ANKS1B: variants seen among roughly 807,000 people sequenced by gnomAD.
ANKS1B encodes ankyrin repeat and sterile alpha motif domain-containing protein 1B.
In ANKS1B, 36 loss-of-function variants were observed where a neutral mutation model predicts 148.3. The observed-to-expected ratio is 0.24, with a 90% CI of 0.19 to 0.32. ANKS1B has a LOEUF of 0.32. Among genes scored for constraint, ANKS1B ranks in the 10% least tolerant of loss-of-function variants. The pLI, the probability that ANKS1B is intolerant of heterozygous loss-of-function variation, is 1.00. For synonymous variants in ANKS1B, 542 were observed against 560.8 expected, an observed-to-expected ratio of 0.97 and a Z score of 0.47; for missense variants, 1,157 against 1,542.6, an observed-to-expected ratio of 0.75 and a Z score of 4.19.
At chr12:99,396,673 C>A (rs1169304888) in intron 12 of ANKS1B, among the ~76,000 whole-genome samples, 1 of 152,152 alleles carries the variant, frequency 6.6e-6, no homozygotes, top group African/African-American at 2.4e-5. Flanking sequence ...TCCTCTGCTT[C>A]TGGTGGTCAG....
chr12:99,006,604 T>C (rs2099936282), intron 17 of ANKS1B, among the ~76,000 whole-genome samples: 1 of 152,332 alleles, frequency 6.6e-6, no homozygotes, highest in Non-Finnish European at 1.5e-5. Flanking sequence ...CCTTTCCCTC[T>C]TGTTGCAAAT....
intron 14 of ANKS1B, among the ~76,000 whole-genome samples, chr12:99,188,031 C>G (rs2080108701): frequency 6.6e-6 from 1 of 151,726 alleles, no homozygotes; most frequent in Non-Finnish European, 1.5e-5. Context: ...AAAAAAAAAG[C>G]AGGGGTTGCA....
chr12:98,935,522 G>C (rs1401249008), intron 17 of ANKS1B, among the ~76,000 whole-genome samples: 1 of 152,164 alleles, frequency 6.6e-6, no homozygotes, highest in Non-Finnish European at 1.5e-5. Flanking sequence ...CCCTCTTCAA[G>C]TTTTTGGAAG....
At chr12:99,705,447 C>A (rs913195186) in intron 8 of ANKS1B, among the ~76,000 whole-genome samples, 1 of 152,122 alleles carries the variant, frequency 6.6e-6, no homozygotes, top group African/African-American at 2.4e-5. Context: ...TCTAAAGATG[C>A]TGTTGTCAAG....
chr12:98,936,996 T>C (rs1243433864), intron 17 of ANKS1B, among the ~76,000 whole-genome samples: 1 of 152,174 alleles, frequency 6.6e-6, no homozygotes, highest in Non-Finnish European at 1.5e-5. Context: ...TGAGTTACTC[T>C]GTATCTTTAG....
At chr12:99,613,453 A>G (rs994175271) in intron 9 of ANKS1B, among the ~76,000 whole-genome samples, 1 of 152,106 alleles carries the variant, frequency 6.6e-6, no homozygotes, top group African/African-American at 2.4e-5. Context: ...AATCAACCCA[A>G]ATGCCCATCA....
chr12:98,768,614 G>A (rs1243608062), intron 25 of ANKS1B, among the ~76,000 whole-genome samples: 2 of 151,370 alleles, frequency 1.3e-5, no homozygotes, highest in East Asian at 3.9e-4. Context: ...GGTGCCTGTA[G>A]TCCCAGCTGC....
At chr12:99,127,979 A>G (rs897315686) in intron 15 of ANKS1B, among the ~76,000 whole-genome samples, 1 of 152,238 alleles carries the variant, frequency 6.6e-6, no homozygotes, top group Non-Finnish European at 1.5e-5. Flanking sequence ...AAAAACGAAC[A>G]TCACCTACAC....
intron 9 of ANKS1B, among the ~76,000 whole-genome samples, chr12:99,566,218 T>C (rs940923382): frequency 2.0e-5 from 3 of 152,180 alleles, no homozygotes; most frequent in Admixed American, 6.5e-5. Context: ...CTTCAACTTA[T>C]CTCTCTTTTG....
intron 12 of ANKS1B, among the ~76,000 whole-genome samples, chr12:99,258,907 G>C (rs768470242): frequency 6.6e-6 from 1 of 152,142 alleles, no homozygotes; most frequent in Non-Finnish European, 1.5e-5. Flanking sequence ...CAAAGACCAA[G>C]ATTCCATACT....
chr12:99,302,609 T>C (rs1489560220), intron 12 of ANKS1B, among the ~76,000 whole-genome samples: 1 of 152,178 alleles, frequency 6.6e-6, no homozygotes, highest in Non-Finnish European at 1.5e-5. Context: ...TGAATTATTA[T>C]AGTGGCTTGA....
intron 1 of ANKS1B, among the ~76,000 whole-genome samples, chr12:99,921,375 T>C (rs1021272657): frequency 6.6e-6 from 1 of 152,144 alleles, no homozygotes; most frequent in Non-Finnish European, 1.5e-5. Flanking sequence ...TCTTGAGGCC[T>C]CTCCAGCCAT....
At chr12:98,876,763 T>A (rs966302140) in intron 17 of ANKS1B, among the ~76,000 whole-genome samples, 2 of 152,170 alleles carry the variant, frequency 1.3e-5, no homozygotes, top group Non-Finnish European at 2.9e-5. Flanking sequence ...ATACCAAACT[T>A]TTTAGTTACA....
chr12:99,052,240 C>CT (rs1208104250), intron 17 of ANKS1B, among the ~76,000 whole-genome samples: 1 of 152,224 alleles, frequency 6.6e-6, no homozygotes, highest in Non-Finnish European at 1.5e-5. Context: ...CAGTTGATCT[C>CT]TTTGGGCTTG....
chr12:98,779,413 C>A (rs1486276531), intron 24 of ANKS1B, among the ~76,000 whole-genome samples: 1 of 152,146 alleles, frequency 6.6e-6, no homozygotes. Context: ...CCCCCAAAAT[C>A]ATGAAATGAT....
chr12:99,156,012 C>T (rs1321415436), intron 14 of ANKS1B, among the ~76,000 whole-genome samples: 2 of 152,146 alleles, frequency 1.3e-5, no homozygotes, highest in Non-Finnish European at 2.9e-5. Flanking sequence ...CCAGAGCAGC[C>T]GCCTGGCACA....
intron 11 of ANKS1B, among the ~76,000 whole-genome samples, chr12:99,440,779 T>C (rs1236784946): frequency 3.3e-5 from 5 of 151,870 alleles, no homozygotes; most frequent in Non-Finnish European, 7.4e-5. Context: ...TTCGTTACAA[T>C]GGATGCTCTC....
intron 24 of ANKS1B, among the ~76,000 whole-genome samples, chr12:98,776,512 C>T (rs76951226): frequency 0.017 from 2,582 of 152,256 alleles, 64 homozygotes; most frequent in African/African-American, 0.058. Context: ...GATGGTTTTG[C>T]CTGTCTGTTG....
intron 1 of ANKS1B, among the ~76,000 whole-genome samples, chr12:99,903,191 T>C (rs756858497): frequency 3.3e-5 from 5 of 152,232 alleles, no homozygotes; most frequent in Non-Finnish European, 5.9e-5. Flanking sequence ...TCTACCCATG[T>C]GGTTTTGGTA....
Sources: allele counts gnomAD v4.1 joint callset (sites outside exome capture counted in the v4.1 genomes callset), GRCh38; gene constraint gnomAD v4.1.1; transcripts MANE v1.5; gene names NCBI Gene and HGNC (gene_info 2026-07-23, HGNC 2026-07-21).